Variants in ATP9A observed in about 807,000 individuals in gnomAD.
The protein encoded by ATP9A is ATPase phospholipid transporting 9A, also known as probable phospholipid-transporting ATPase IIA.
Under a neutral mutation model 144.1 loss-of-function variants are expected in ATP9A, and 52 were observed. That is an observed-to-expected ratio of 0.36 (90% CI 0.29 to 0.45). The LOEUF is 0.45. Among genes scored for constraint, ATP9A ranks in the 20% least tolerant of loss-of-function variants. The probability of loss-of-function intolerance (pLI) is 1.00; values close to 1 mark genes in which losing one functional copy is unlikely to be tolerated. For missense variants in ATP9A, 947 were observed against 1,392.7 expected (o/e 0.68, Z 5.09); for synonymous variants, 582 against 557.4 (o/e 1.04, Z -0.62).
chr20:51,748,948 T>TAGATAGATAGATAGATTGACAGAC (rs765791447), intron 1 of ATP9A, among the ~76,000 whole-genome samples: 1 of 137,802 alleles, frequency 7.3e-6, no homozygotes, highest in African/African-American at 2.8e-5. Context: ...GATAGATAGA[T>TAGATAGATAGATAGATTGACAGAC]AGACAGACAG....
chr20:51,693,120 G>A (rs570767111), intron 7 of ATP9A, among the ~76,000 whole-genome samples: 8 of 152,286 alleles, frequency 5.3e-5, no homozygotes, highest in Middle Eastern at 3.4e-3. Context: ...CAGGGCCTGC[G>A]CCCCATCATA....
At chr20:51,716,951 A>C (rs531394984) in intron 3 of ATP9A, among the ~76,000 whole-genome samples, 1 of 152,246 alleles carries the variant, frequency 6.6e-6, no homozygotes, top group African/African-American at 2.4e-5. Flanking sequence ...AGGTGGGCGG[A>C]TCACCTGAGG....
At chr20:51,714,054 G>A (rs1247732344) in intron 3 of ATP9A, among the ~76,000 whole-genome samples, 3 of 151,334 alleles carry the variant, frequency 2.0e-5, no homozygotes, top group Admixed American at 6.6e-5. Flanking sequence ...CTACAGGCAC[G>A]CACCACCACG....
intron 2 of ATP9A, among the ~76,000 whole-genome samples, chr20:51,727,292 C>G (rs1165056197): frequency 6.6e-6 from 1 of 150,468 alleles, no homozygotes; most frequent in Non-Finnish European, 1.5e-5. Context: ...AAAAAAGTTA[C>G]GTCCACAGCA....
intron 26 of ATP9A, among the ~76,000 whole-genome samples, 158 bp from the exon 27 acceptor site, chr20:51,605,178 A>ATGGT (rs2077158545): frequency 6.6e-6 from 1 of 152,246 alleles, no homozygotes; most frequent in Non-Finnish European, 1.5e-5. Context: ...GTCTGAACCT[A>ATGGT]TGGTTTTCTG....
intron 3 of ATP9A, among the ~76,000 whole-genome samples, chr20:51,718,432 G>A (rs1043521103): frequency 8.6e-5 from 13 of 151,712 alleles, no homozygotes; most frequent in Non-Finnish European, 1.5e-4. Context: ...AATATCATGC[G>A]ATCTTTTCTA....
intron 1 of ATP9A, among the ~76,000 whole-genome samples, chr20:51,760,725 CAAAAAAAA>C (rs397864467): frequency 1.9e-5 from 2 of 105,466 alleles, no homozygotes; most frequent in African/African-American, 7.2e-5. Flanking sequence ...GACTCCGTCT[CAAAAAAAA>C]AAAAAAAAAT....
In ATP9A at chr20:51,670,025, T is replaced by C; in HGVS notation, c.1265A>G (p.Gln422Arg). The change falls in exon 13 of 28, where the codon CAA (glutamine) becomes CGA (arginine). Residue 422 changes from glutamine to arginine, a missense_variant. Gln to Arg is a conservative substitution (Grantham distance 43). Transcript: ENST00000338821. ...GGTGTAAATGCTGAAAATGTGGCTTTGTACTTCGTCCATTGAGTCGAGGCC... is the reference window on the plus strand; with the variant it reads ...GGTGTAAATGCTGAAAATGTGGCTTCGTACTTCGTCCATTGAGTCGAGGCC... ...AYGLDSMDEV[Q>R]SHIFSIYTQQ... 2 of 1,614,164 alleles carry C rather than the reference T, an allele frequency of 1.2e-6. No homozygotes were observed. Among genetic ancestry groups the C allele is most frequent in the Non-Finnish European group, 1.7e-6 (2 of 1,180,004 alleles).
At chr20:51,720,089 C>A (rs1568835170) in intron 3 of ATP9A, among the ~76,000 whole-genome samples, 1 of 152,142 alleles carries the variant, frequency 6.6e-6, no homozygotes, top group Non-Finnish European at 1.5e-5. Flanking sequence ...AATTTTTATT[C>A]ATTGTACTTT....
At chr20:51,746,260 G>A (rs6021414) in intron 1 of ATP9A, among the ~76,000 whole-genome samples, 32,912 of 152,110 alleles carry the variant, frequency 0.22, 3,749 homozygotes, top group East Asian at 0.37. Context: ...AGCAAACCCC[G>A]GTGACATGAG....
chr20:51,745,386 T>A (rs2077803702), intron 1 of ATP9A, among the ~76,000 whole-genome samples: 1 of 146,100 alleles, frequency 6.8e-6, no homozygotes, highest in Non-Finnish European at 1.5e-5. Context: ...AGTGAGCCAA[T>A]ATTCTGCCAC....
intron 1 of ATP9A, among the ~76,000 whole-genome samples, chr20:51,761,094 C>G (rs916247825): frequency 6.6e-6 from 1 of 152,058 alleles, no homozygotes; most frequent in Non-Finnish European, 1.5e-5. Flanking sequence ...TCCATCACAT[C>G]AAAGAGAAAG....
chr20:51,675,461 T>C (rs1168638010), intron 10 of ATP9A, among the ~76,000 whole-genome samples: 2 of 152,212 alleles, frequency 1.3e-5, no homozygotes, highest in Non-Finnish European at 2.9e-5. Flanking sequence ...CGGTGCTTCC[T>C]GAAGCCGTTT....
chr20:51,633,236 C>T (rs1200379605), intron 15 of ATP9A, among the ~76,000 whole-genome samples: 1 of 152,074 alleles, frequency 6.6e-6, no homozygotes, highest in Non-Finnish European at 1.5e-5. Context: ...GAACGCTGCA[C>T]ATGCGTTAAA....
At chr20:51,656,336 G>A (rs2077386751) in intron 14 of ATP9A, among the ~76,000 whole-genome samples, 2 of 152,228 alleles carry the variant, frequency 1.3e-5, no homozygotes, top group Non-Finnish European at 2.9e-5. Context: ...TGGATCACCT[G>A]AGGTCAGGAG....
At chr20:51,744,881 G>A (rs1027827995) in intron 1 of ATP9A, among the ~76,000 whole-genome samples, 1 of 152,216 alleles carries the variant, frequency 6.6e-6, no homozygotes, top group African/African-American at 2.4e-5. Flanking sequence ...TGTAATCCCA[G>A]TACTTTGGGA....
chr20:51,696,127 G>C lies in ATP9A; in HGVS notation c.513C>G (p.Ala171=), dbSNP rs566080700. 2 of 1,613,664 alleles carry C rather than the reference G, an allele frequency of 1.2e-6. No homozygotes were observed. The highest frequency in any genetic ancestry group is 2.7e-5 in the African/African-American group (2 of 74,876). The change falls in exon 6 of 28, where the codon GCC becomes GCG. Residue 171 remains alanine, a synonymous_variant. Transcript: ENST00000338821. ...CTGATGTCCTCAGGAAGATCATGTCGGCAGGGACCCGCTGGTTCTGTGTTA... is the reference window on the plus strand; with the variant it reads ...CTGATGTCCTCAGGAAGATCATGTCCGCAGGGACCCGCTGGTTCTGTGTTA... ...IIVEKNQRVP[A]DMIFLRTSEK... is the part of the protein sequence containing the mutation.
chr20:51,765,683 C>G (rs183886986), intron 1 of ATP9A, among the ~76,000 whole-genome samples: 3 of 144,212 alleles, frequency 2.1e-5, no homozygotes, highest in Non-Finnish European at 3.0e-5. Flanking sequence ...AGGCCAAGCA[C>G]GGTGGCTCAC....
Position 51,604,902 on chromosome 20 carries a change from C to T in ATP9A, c.2922G>A (p.Gln974=). ...TELLMVALTI[Q]TWHWLMTVAE... ...CCACTGTCATGAGCCAGTGCCAGGTCTGGATGGTCAGCGCCACCATGAGCA... is the reference window on the plus strand; with the variant it reads ...CCACTGTCATGAGCCAGTGCCAGGTTTGGATGGTCAGCGCCACCATGAGCA... Residue 974 remains glutamine, a synonymous_variant, in exon 27 of 28, where the codon CAG becomes CAA. Transcript: ENST00000338821. 2 of 1,611,092 alleles carry T rather than the reference C, an allele frequency of 1.2e-6. No individual in the cohort carries two copies. The highest frequency in any genetic ancestry group is 1.7e-4 in the Middle Eastern group (1 of 6,048).
Sources: gnomAD v4.1 joint callset for allele counts (sites outside exome capture counted in the v4.1 genomes callset) on GRCh38, gnomAD v4.1.1 for gene constraint, MANE v1.5 for transcripts, NCBI Gene and HGNC (gene_info 2026-07-23, HGNC 2026-07-21) for gene names.